Variants in TPI1 observed in about 807,000 individuals in gnomAD.
The protein encoded by TPI1 is triosephosphate isomerase.
TPI1 carries 11 observed loss-of-function variants against 31.0 expected under a neutral mutation model. The observed-to-expected ratio is 0.36, with a 90% CI of 0.22 to 0.59. The LOEUF is 0.59. Among genes scored for constraint, TPI1 ranks in the 20% least tolerant of loss-of-function variants. TPI1 has a pLI of 0.79. For synonymous variants in TPI1, 121 were observed against 122.8 expected, an observed-to-expected ratio of 0.99 and a Z score of 0.10; for missense variants, 245 against 319.7, an observed-to-expected ratio of 0.77 and a Z score of 1.78.
intron 1 of TPI1, chr12:6,868,296 CA>C: frequency 7.8e-7 from 1 of 1,287,638 alleles, no homozygotes; most frequent in South Asian, 1.2e-5. Context: ...CTGGAAACAG[CA>C]AAGCGCAAGG....
Position 6,870,079 on chromosome 12 carries a change from T to C in TPI1, c.574T>C (p.Trp192Arg), listed in dbSNP as rs1475019317. The C allele has an allele frequency of 1.2e-6, 2 of 1,614,096 alleles. No individual in the cohort carries two copies. ...AQEVHEKLRGWLKSNVSDAVA... is the reference protein window; with the variant it reads ...AQEVHEKLRGRLKSNVSDAVA... ...GGAAGTACACGAGAAGCTCCGAGGA[T>C]GGCTGAAGTCCAACGTCTCTGATGC... Residue 192 changes from tryptophan to arginine, a missense_variant, in exon 6 of 7, where the codon TGG becomes CGG. Physicochemically the swap from Trp to Arg is moderately radical, Grantham distance 101 (BLOSUM62 -3). Coordinates refer to ENST00000396705, the MANE Select transcript of TPI1 (RefSeq NM_000365.6).
At chr12:6,869,474 G>T in intron 4 of TPI1, 84 bp downstream of exon 4, 1 of 1,600,782 alleles carries the variant, frequency 6.2e-7, no homozygotes, top group Non-Finnish European at 8.5e-7. Context: ...GCCTGTCTTG[G>T]TCCCCATGCT....
chr12:6,869,247 T>A lies in TPI1; in HGVS notation c.325-11T>A. 6.2e-7 allele frequency: 1 copy of A among 1,614,048 alleles called. No individual in the cohort carries two copies. The highest frequency in any genetic ancestry group is 8.5e-7 in the Non-Finnish European group (1 of 1,179,918). ...CAAGAAGGATGTCTCACCAAGTCTG[T>A]TTCTCAACAGCTGATTGGGCAGAAA... is the stretch of plus-strand genomic sequence containing the variant. On this transcript the variant is annotated splice_polypyrimidine_tract_variant and intron_variant, in intron 3 of 6. Coordinates refer to ENST00000396705, the MANE Select transcript of TPI1 (RefSeq NM_000365.6).
At chr12:6,868,828 T>C in intron 1 of TPI1, 36 bp from the exon 2 acceptor site, 1 of 1,601,398 alleles carries the variant, frequency 6.2e-7, no homozygotes, top group Non-Finnish European at 8.5e-7. Flanking sequence ...AGGCTTTCTT[T>C]AGTCTCATCC....
At chr12:6,867,524 A>C, upstream of TPI1, 2 of 1,599,344 alleles carry the variant, frequency 1.3e-6, no homozygotes, top group Non-Finnish European at 1.7e-6. Context: ...AGTGGCCGCG[A>C]CTGCGCGCAG....
intron 1 of TPI1, chr12:6,868,229 G>C (rs782712853): frequency 4.7e-6 from 6 of 1,287,650 alleles, no homozygotes; most frequent in Non-Finnish European, 5.1e-6. Context: ...GACCGAGCCC[G>C]TGCCAAACAG....
intron 4 of TPI1, 137 bp downstream of exon 4, chr12:6,869,527 C>T: frequency 4.6e-6 from 7 of 1,511,940 alleles, no homozygotes; most frequent in African/African-American, 1.4e-5. Flanking sequence ...ACAATCTTTG[C>T]TTGGGGCCTA....
At chr12:6,870,190 C>T (rs1944556450) in intron 6 of TPI1, 54 bp downstream of exon 6, 2 of 1,596,884 alleles carry the variant, frequency 1.3e-6, no homozygotes, top group Non-Finnish European at 1.7e-6. Flanking sequence ...CTAGACTGAG[C>T]CCTCGGACAT....
In TPI1 at chr12:6,868,951, A is replaced by G. The variant is rs1393918326; in HGVS notation, c.203A>G (p.Tyr68Cys). The change falls in exon 2 of 7, where the codon TAC becomes TGC. Residue 68 changes from tyrosine (Y) to cysteine (C), a missense_variant. By Grantham distance (194) the Tyr-to-Cys change is radical. Coordinates refer to ENST00000396705, the MANE Select transcript of TPI1 (RefSeq NM_000365.6). ...PKIAVAAQNC[Y>C]KVTNGAFTGE... ...ATTGCTGTGGCTGCGCAGAACTGCT[A>G]CAAAGTGACTAATGGGGCTTTTACT... 1 of 1,614,068 alleles carries G rather than the reference A, an allele frequency of 6.2e-7. No homozygotes were observed. The highest frequency in any genetic ancestry group is 8.5e-7 in the Non-Finnish European group (1 of 1,180,028).
At position 6,870,481 on chromosome 12, in the gene TPI1, C is replaced by T. The variant is rs782410612; in HGVS notation, c.*98C>T. 2 of 914,196 alleles carry T rather than the reference C, an allele frequency of 2.2e-6. No individual in the cohort carries two copies. Among genetic ancestry groups the T allele is most frequent in the South Asian group, 2.6e-5 (2 of 76,728 alleles). The allele number at this position is 914,196 out of a possible 1,614,324, so 56.6% of individuals were successfully genotyped here. On this transcript the variant is annotated 3_prime_UTR_variant, in exon 7 of 7. Transcript: ENST00000396705. The stretch of plus-strand genomic sequence containing the variant: ...TCCCTGCATATGCTTCTGATGGTGT[C>T]ATCTGCTCCTTCCTGTGGCCTCATC...
At chr12:6,867,832 C>A in intron 1 of TPI1, 151 bp downstream of exon 1, 2 of 890,502 alleles carry the variant, frequency 2.2e-6, no homozygotes, top group Non-Finnish European at 3.2e-6. Context: ...GGGGTCCGGG[C>A]AGGGGCCTCG....
intron 4 of TPI1, 72 bp downstream of exon 4, chr12:6,869,462 G>A: frequency 3.1e-6 from 5 of 1,608,906 alleles, no homozygotes; most frequent in Admixed American, 1.7e-5. Context: ...TCAGGCCCTG[G>A]AGCCTGTCTT....
At position 6,869,615 on chromosome 12, in the gene TPI1, C is replaced by T. The variant is rs1462387027; in HGVS notation, c.458-73C>T. On this transcript the variant is annotated intron_variant, in intron 4 of 6. Coordinates refer to ENST00000396705, the MANE Select transcript of TPI1 (RefSeq NM_000365.6). ...TAGGGGGCAGTAGGCCACCGTTCTT[C>T]GTACTCCGGAGAACCTGGCTGGAGA... 22 of 1,571,606 alleles carry T rather than the reference C, an allele frequency of 1.4e-5. No homozygotes were observed. The East Asian group carries it at 2.5e-4, about 18-fold the overall frequency.
Position 6,870,446 on chromosome 12 carries a change from A to G in TPI1, c.*63A>G. Reference sequence around the variant, plus strand: ...GGACTAAGCAGCCCAGAAGCCCAGTAACTGCCCTTTCCCTGCATATGCTTC... The same window carrying G: ...GGACTAAGCAGCCCAGAAGCCCAGTGACTGCCCTTTCCCTGCATATGCTTC... On this transcript the variant is annotated 3_prime_UTR_variant, in exon 7 of 7. Coordinates refer to ENST00000396705, the MANE Select transcript of TPI1 (RefSeq NM_000365.6). 7.9e-7 allele frequency: 1 copy of G among 1,272,436 alleles called. No individual in the cohort carries two copies. The highest frequency in any genetic ancestry group is 1.2e-6 in the Non-Finnish European group (1 of 869,470). 78.8% of individuals were successfully genotyped at this position (1,272,436 alleles called of 1,614,324 possible). A position where few individuals can be genotyped will look rare whatever the true frequency, so the allele number is the denominator to read the frequency against.
Position 6,869,410 on chromosome 12 carries a change from C to T in TPI1, c.457+20C>T. The T allele has an allele frequency of 6.2e-7, 1 of 1,613,838 alleles. No individual in the cohort carries two copies. The highest frequency in any genetic ancestry group is 8.5e-7 in the Non-Finnish European group (1 of 1,179,972). On this transcript the variant is annotated intron_variant, in intron 4 of 6. Transcript: ENST00000396705. ...TCGCAGGTATCTCTGGAGAAAGGGACCTTTGAGCCTATCCAGGGCCACAGA... is the reference window on the plus strand; with the variant it reads ...TCGCAGGTATCTCTGGAGAAAGGGATCTTTGAGCCTATCCAGGGCCACAGA...
chr12:6,867,574 C>T lies in TPI1; in HGVS notation c.8C>T (p.Pro3Leu), dbSNP rs375230418. Residue 3 changes from proline to leucine, a missense_variant, in exon 1 of 7, where the codon CCC (proline) becomes CTC (leucine). Pro to Leu is a moderately conservative substitution (Grantham distance 98). Around this residue, in one of 3 missense-constraint regions of TPI1, gnomAD observed 95 missense variants for 96.4 expected, o/e 0.99. Coordinates refer to ENST00000396705, the MANE Select transcript of TPI1 (RefSeq NM_000365.6). The part of the protein sequence containing the change: MA[P>L]SRKFFVGGNW... ...CGCCTCGGCTCCAGCGCCATGGCGC[C>T]CTCCAGGAAGTTCTTCGTTGGGGGA... is the stretch of plus-strand genomic sequence containing the variant. 8.1e-6 allele frequency: 13 copies of T among 1,612,548 alleles called. No homozygotes were observed. In the East Asian group the frequency reaches 2.0e-4, roughly 25 times the overall value.
chr12:6,868,584 G>T, intron 1 of TPI1: 1 of 1,332,542 alleles, frequency 7.5e-7, no homozygotes, highest in Non-Finnish European at 9.7e-7. Flanking sequence ...TGCCTATGCC[G>T]AGAATAGCTC....
chr12:6,867,501 T>TC, upstream of TPI1: 1 of 1,573,108 alleles, frequency 6.4e-7, no homozygotes, highest in Non-Finnish European at 8.6e-7. Context: ...CGCGGCGCTC[T>TC]ATATAAGTGG....
intron 1 of TPI1, chr12:6,868,030 C>A (rs1012855432): frequency 2.2e-5 from 27 of 1,219,536 alleles, no homozygotes; most frequent in Non-Finnish European, 2.7e-5. Context: ...CCGGGGGAGG[C>A]TGGGCCGCGT....
Sources: allele counts gnomAD v4.1 joint callset, GRCh38; gene constraint gnomAD v4.1.1; regional missense constraint gnomAD v4.1.1; transcripts MANE v1.5; gene names NCBI Gene and HGNC (gene_info 2026-07-23, HGNC 2026-07-21).